NEMF: variants seen among roughly 807,000 people sequenced by gnomAD.
NEMF encodes nuclear export mediator factor.
In NEMF, 89 loss-of-function variants were observed where a neutral mutation model predicts 162.2. The ratio of observed to expected loss-of-function variants is 0.55; its 90% CI spans 0.46 to 0.65. The LOEUF (loss-of-function observed/expected upper bound fraction) is 0.65, where lower values mean the gene tolerates loss of function less well. Among genes scored for constraint, NEMF ranks in the 30% least tolerant of loss-of-function variants. The pLI, the probability that NEMF is intolerant of heterozygous loss-of-function variation, is 0.00. For synonymous variants in NEMF, 421 were observed against 404.5 expected (o/e 1.04, Z -0.49); for missense variants, 1,133 against 1,261.9 (o/e 0.90, Z 1.55).
At chr14:49,838,249 A>G (rs1594796805) in intron 5 of NEMF, 43 bp from the exon 6 acceptor site, 1 of 1,517,880 alleles carries the variant, frequency 6.6e-7, no homozygotes, top group East Asian at 2.3e-5. Context: ...TCTTAAATAA[A>G]CCTTACAGCA....
intron 25 of NEMF, 143 bp downstream of exon 25, chr14:49,799,331 AT>A: frequency 1.5e-6 from 1 of 672,306 alleles, no homozygotes; most frequent in Non-Finnish European, 2.4e-6. Context: ...AGAGCTTAAT[AT>A]TAAAAACTAA....
chr14:49,813,186 A>G (rs1594758736), intron 18 of NEMF, among the ~76,000 whole-genome samples: 1 of 152,324 alleles, frequency 6.6e-6, no homozygotes, highest in Admixed American at 6.5e-5. Flanking sequence ...TCCAAAATCT[A>G]AAACTTTCTG....
intron 20 of NEMF, 73 bp from the exon 21 acceptor site, chr14:49,802,800 AT>A: frequency 2.7e-6 from 3 of 1,108,722 alleles, no homozygotes; most frequent in African/African-American, 1.6e-5. Context: ...ACAAAAAAAA[AT>A]TAGTGTCAGA....
chr14:49,838,073 T>C, intron 6 of NEMF, 66 bp downstream of exon 6: 1 of 1,236,214 alleles, frequency 8.1e-7, no homozygotes, highest in East Asian at 2.4e-5. Flanking sequence ...CATAAAAGAT[T>C]TCAATATATT....
intron 26 of NEMF, among the ~76,000 whole-genome samples, chr14:49,791,551 A>T (rs971222849): frequency 6.6e-6 from 1 of 152,012 alleles, no homozygotes; most frequent in Non-Finnish European, 1.5e-5. Context: ...ATCCTGACCA[A>T]CATGGTGAAA....
chr14:49,835,184 G>A (rs950635550), intron 6 of NEMF, among the ~76,000 whole-genome samples: 2 of 139,062 alleles, frequency 1.4e-5, no homozygotes, highest in African/African-American at 2.7e-5. Flanking sequence ...TGGGCAACAA[G>A]AGTGAAACTC....
intron 3 of NEMF, among the ~76,000 whole-genome samples, chr14:49,848,678 T>C (rs972580969): frequency 5.9e-5 from 9 of 151,506 alleles, no homozygotes; most frequent in African/African-American, 2.2e-4. Context: ...CTACTAAAAA[T>C]ACAAAAATTA....
chr14:49,825,637 G>T (rs530813843), intron 16 of NEMF, among the ~76,000 whole-genome samples: 3 of 152,316 alleles, frequency 2.0e-5, no homozygotes, highest in Admixed American at 1.3e-4. Flanking sequence ...TTGGGAGGCT[G>T]AGGTGGGAGA....
Position 49,813,976 on chromosome 14 carries a change from G to C in NEMF, c.1744+12C>G, listed in dbSNP as rs1027276356. 2 of 1,427,942 alleles carry C rather than the reference G, an allele frequency of 1.4e-6. No individual in the cohort carries two copies. Among genetic ancestry groups the C allele is most frequent in the Admixed American group, 1.7e-5 (1 of 57,708 alleles). The allele number at this position is 1,427,942 out of a possible 1,614,324, so 88.5% of individuals were successfully genotyped here. On this transcript the variant is annotated intron_variant, in intron 18 of 32. Coordinates refer to ENST00000298310, the MANE Select transcript of NEMF (RefSeq NM_004713.6). Reference sequence around the variant, plus strand: ...AAGGAACAGGAATTCTGAATAGAAAGAAATATATTACCTGTTGGATTCTTA... The same window carrying C: ...AAGGAACAGGAATTCTGAATAGAAACAAATATATTACCTGTTGGATTCTTA...
At chr14:49,818,143 A>G (rs1891812884) in intron 16 of NEMF, 2 of 145,274 alleles carry the variant, frequency 1.4e-5, no homozygotes, top group African/African-American at 2.6e-5. Context: ...ACTGGAGTGC[A>G]GTGGCCCGAT....
Position 49,831,305 on chromosome 14 carries a change from T to C in NEMF, c.939A>G (p.Leu313=). The C allele has an allele frequency of 1.3e-6, 2 of 1,576,144 alleles. No homozygotes were observed. Among genetic ancestry groups the C allele is most frequent in the Non-Finnish European group, 1.7e-6 (2 of 1,145,962 alleles). ...IEGQKIDLKA[L]QQEKQALKKL... ...TGTTTTTAATAATACATACCTGTTG[T>C]AAAGCTTTTAAGTCAATTTTCTGGC... The change falls in exon 11 of 33, where the codon TTA becomes TTG. Residue 313 remains leucine (L), a synonymous_variant. Coordinates refer to ENST00000298310, the MANE Select transcript of NEMF (RefSeq NM_004713.6).
intron 7 of NEMF, 47 bp downstream of exon 7, chr14:49,834,316 A>G (rs1277555361): frequency 7.4e-7 from 1 of 1,349,202 alleles, no homozygotes; most frequent in African/African-American, 1.5e-5. Context: ...AAATTTTCAT[A>G]GTTTAAAAAA....
At chr14:49,796,996 A>T (rs1212755703) in intron 25 of NEMF, among the ~76,000 whole-genome samples, 1 of 152,206 alleles carries the variant, frequency 6.6e-6, no homozygotes, top group African/African-American at 2.4e-5. Context: ...AACTCACAGC[A>T]ATCTCTTACT....
At position 49,832,223 on chromosome 14, in the gene NEMF, C is replaced by T. The variant is rs946403839; in HGVS notation, c.790G>A (p.Val264Ile). Residue 264 changes from valine (V) to isoleucine (I), a missense_variant, in exon 9 of 33, where the codon GTT (valine) becomes ATT (isoleucine). Coordinates refer to ENST00000298310, the MANE Select transcript of NEMF (RefSeq NM_004713.6). ...TATGCTTACGTCAGTATGTCTTCAA[C>T]TGGTTTATCTGCTTCCAAGCTTGGT... ...IKPSLEADKP[V>I]EDILTYEEFH... is the part of the protein sequence containing the mutation. 1.9e-6 allele frequency: 3 copies of T among 1,610,108 alleles called. No homozygotes were observed. The Admixed American group carries it at 5.0e-5, about 27-fold the overall frequency.
chr14:49,784,758 AATC>A, intron 32 of NEMF, 45 bp from the exon 33 acceptor site: 5 of 1,524,456 alleles, frequency 3.3e-6, no homozygotes, highest in Non-Finnish European at 4.5e-6. Flanking sequence ...CTGTATGGTC[AATC>A]ATGTTTCTTT....
rs748986642 is a variant in NEMF at position 49,829,096 on chromosome 14, T to C, written c.1190A>G (p.Lys397Arg). Residue 397 changes from lysine to arginine, a missense_variant, in exon 13 of 33, where the codon AAA becomes AGA. By Grantham distance (26) the Lys-to-Arg change is conservative (BLOSUM62 2). Around this residue, in one of 3 missense-constraint regions of NEMF, gnomAD observed 582 missense variants for 631.5 expected, o/e 0.92. Coordinates refer to ENST00000298310, the MANE Select transcript of NEMF (RefSeq NM_004713.6). ...ATGGTTTGTTTGTAGTTTTAATTCT[T>C]TGATTGCACTTGCAACAGGGTCTCC... is the stretch of plus-strand genomic sequence containing the variant. ...AQGDPVASAI[K>R]ELKLQTNHVT... The C allele has an allele frequency of 4.3e-6, 7 of 1,614,190 alleles. No homozygotes were observed. In the East Asian group the frequency reaches 1.3e-4, roughly 31 times the overall value.
In NEMF at chr14:49,828,635, C is replaced by T; in HGVS notation, c.1405G>A (p.Ala469Thr). Residue 469 changes from alanine to threonine, a missense_variant, in exon 14 of 33, where the codon GCA (alanine) becomes ACA (threonine). By Grantham distance (58) the Ala-to-Thr change is moderately conservative. Transcript: ENST00000298310. ...LLVDVDLSLS[A>T]YANAKKYYDH... Reference sequence around the variant, plus strand: ...ACTTACTTTTTGGCATTGGCATATGCTGACAAGCTGAGATCAACATCTACA... The same window carrying T: ...ACTTACTTTTTGGCATTGGCATATGTTGACAAGCTGAGATCAACATCTACA... 6.4e-7 allele frequency: 1 copy of T among 1,572,548 alleles called. No individual in the cohort carries two copies. The highest frequency in any genetic ancestry group is 8.6e-7 in the Non-Finnish European group (1 of 1,167,896).
chr14:49,796,071 T>C, intron 25 of NEMF, 127 bp from the exon 26 acceptor site: 2 of 668,054 alleles, frequency 3.0e-6, no homozygotes, highest in Admixed American at 5.5e-5. Flanking sequence ...CACTTGATAA[T>C]CACCAAGTTA....
At chr14:49,800,358 G>T in intron 23 of NEMF, 62 bp downstream of exon 23, 1 of 1,202,260 alleles carries the variant, frequency 8.3e-7, no homozygotes. Context: ...ATCTTTGTAA[G>T]GATTACCTCA....
Sources: allele counts gnomAD v4.1 joint callset (sites outside exome capture counted in the v4.1 genomes callset), GRCh38; gene constraint gnomAD v4.1.1; regional missense constraint gnomAD v4.1.1; transcripts MANE v1.5; gene names NCBI Gene and HGNC (gene_info 2026-07-23, HGNC 2026-07-21).